DYRK1A: variants seen among roughly 807,000 people sequenced by gnomAD.
DYRK1A encodes dual specificity tyrosine-phosphorylation-regulated kinase 1A.
In DYRK1A, 9 loss-of-function variants were observed where a neutral mutation model predicts 79.7. That is an observed-to-expected ratio of 0.11 (90% CI 0.07 to 0.20). The LOEUF (loss-of-function observed/expected upper bound fraction) is 0.20. Among genes scored for constraint, DYRK1A ranks in the 10% least tolerant of loss-of-function variants. The probability of loss-of-function intolerance (pLI) is 1.00; values close to 1 mark genes in which losing one functional copy is unlikely to be tolerated. For missense variants in DYRK1A, 622 were observed against 956.0 expected, an observed-to-expected ratio of 0.65 and a Z score of 4.61; for synonymous variants, 349 against 329.7, an observed-to-expected ratio of 1.06 and a Z score of -0.63.
At chr21:37,428,733 A>G (rs994891845) in intron 2 of DYRK1A, 3 of 152,248 alleles carry the variant, frequency 2.0e-5, no homozygotes, top group African/African-American at 7.2e-5. Context: ...GGCTTAGTGT[A>G]AGAAGATTCT....
rs955250559 is a variant in DYRK1A, at chr21:37,516,435, C to T, written c.*3904C>T. 17 of 152,150 alleles carry T rather than the reference C, an allele frequency of 1.1e-4. No individual in the cohort carries two copies. The highest frequency in any genetic ancestry group is 3.6e-4 in the African/African-American group (15 of 41,420). 9.4% of individuals were successfully genotyped at this position (152,150 alleles called of 1,614,324 possible). On this transcript the variant is annotated 3_prime_UTR_variant, in exon 12 of 12. Coordinates refer to ENST00000647188, the MANE Select transcript of DYRK1A (RefSeq NM_001347721.2). Reference sequence around the variant, plus strand: ...CCTGGTTTCTTATCTAGGCCTGTTTCCTTGCGTGAAAACATACATCACCAA... The same window carrying T: ...CCTGGTTTCTTATCTAGGCCTGTTTTCTTGCGTGAAAACATACATCACCAA...
chr21:37,432,693 T>G (rs2050809177), intron 2 of DYRK1A, among the ~76,000 whole-genome samples: 1 of 152,174 alleles, frequency 6.6e-6, no homozygotes, highest in African/African-American at 2.4e-5. Flanking sequence ...GGCATAATAA[T>G]GGCTATTACA....
At chr21:37,455,608 T>C (rs565770016) in intron 2 of DYRK1A, among the ~76,000 whole-genome samples, 3 of 152,206 alleles carry the variant, frequency 2.0e-5, no homozygotes, top group East Asian at 3.9e-4. Context: ...GCTCTCAGAG[T>C]GTCTCTTCAT....
At chr21:37,383,952 C>T (rs1338466028) in intron 1 of DYRK1A, among the ~76,000 whole-genome samples, 1 of 152,032 alleles carries the variant, frequency 6.6e-6, no homozygotes, top group Non-Finnish European at 1.5e-5. Context: ...CTACTGTAAA[C>T]ATCTAGAAAA....
intron 3 of DYRK1A, among the ~76,000 whole-genome samples, chr21:37,473,656 TTG>T (rs1281795494): frequency 6.6e-6 from 1 of 152,036 alleles, no homozygotes; most frequent in Admixed American, 6.5e-5. Context: ...TTTTAATATA[TTG>T]TGTGAGGATA....
chr21:37,383,619 TTTAA>T (rs1400305244), intron 1 of DYRK1A, among the ~76,000 whole-genome samples: 5 of 152,208 alleles, frequency 3.3e-5, no homozygotes, highest in Admixed American at 1.3e-4. Flanking sequence ...TGTTTATTGA[TTTAA>T]TTAGTTTGCT....
At chr21:37,460,466 CCA>C (rs2051803844) in intron 2 of DYRK1A, among the ~76,000 whole-genome samples, 1 of 152,120 alleles carries the variant, frequency 6.6e-6, no homozygotes, top group Non-Finnish European at 1.5e-5. Context: ...CCACTGTTAG[CCA>C]CTAGCCTCCA....
At chr21:37,501,456 C>T (rs761659223) in intron 9 of DYRK1A, 1 of 152,118 alleles carries the variant, frequency 6.6e-6, no homozygotes, top group Non-Finnish European at 1.5e-5. Flanking sequence ...GCATGAGCCA[C>T]CACACCCGGC....
In DYRK1A at chr21:37,480,828, TA is replaced by T; in HGVS notation, c.489+4del. The stretch of plus-strand genomic sequence containing the variant: ...ATAGGCAAAGGTTCCTTTGGACAGG[TA>T]ATTTAATGGAAAATGCTGAATTTCA... On this transcript the variant is annotated splice_donor_region_variant and intron_variant, in intron 5 of 11. Coordinates refer to ENST00000647188, the MANE Select transcript of DYRK1A (RefSeq NM_001347721.2). The T allele has an allele frequency of 6.3e-7, 1 of 1,576,368 alleles. No individual in the cohort carries two copies. The highest frequency in any genetic ancestry group is 8.6e-7 in the Non-Finnish European group (1 of 1,164,812).
intron 2 of DYRK1A, among the ~76,000 whole-genome samples, chr21:37,441,965 T>G (rs1463822486): frequency 1.3e-5 from 2 of 151,154 alleles, no homozygotes; most frequent in African/African-American, 2.4e-5. Context: ...TTTTGCTGTT[T>G]TTTTTTTTTT....
intron 5 of DYRK1A, among the ~76,000 whole-genome samples, chr21:37,484,245 A>C (rs1413223902): frequency 6.6e-6 from 1 of 151,950 alleles, no homozygotes; most frequent in Non-Finnish European, 1.5e-5. Context: ...CCGTGAAAAA[A>C]TTGACTGCTG....
At chr21:37,462,816 A>T (rs2051887370) in intron 2 of DYRK1A, among the ~76,000 whole-genome samples, 3 of 152,146 alleles carry the variant, frequency 2.0e-5, no homozygotes. Context: ...TGTAGGGCTC[A>T]CCAAGAGTGA....
intron 1 of DYRK1A, among the ~76,000 whole-genome samples, chr21:37,377,614 G>A (rs1329462942): frequency 1.3e-5 from 2 of 152,050 alleles, no homozygotes; most frequent in Non-Finnish European, 2.9e-5. Context: ...GATTATAGGT[G>A]TACACCACCA....
Position 37,520,339 on chromosome 21 carries a change from G to A in DYRK1A, c.*7808G>A, listed in dbSNP as rs1313919593. 1 of 152,050 alleles carries A rather than the reference G, an allele frequency of 6.6e-6. No homozygotes were observed. Among genetic ancestry groups the A allele is most frequent in the Non-Finnish European group, 1.5e-5 (1 of 68,026 alleles). The allele number at this position is 152,050 out of a possible 1,614,324, so 9.4% of individuals were successfully genotyped here. On this transcript the variant is annotated 3_prime_UTR_variant, in exon 12 of 12. Transcript: ENST00000647188. ...GCTCTTAAGTTTATAAATAAAACAG[G>A]GATATTATCGGGGAAGCTTTTGAAA... is the stretch of plus-strand genomic sequence containing the variant.
intron 1 of DYRK1A, among the ~76,000 whole-genome samples, chr21:37,389,772 G>A: frequency 6.6e-6 from 1 of 152,056 alleles, no homozygotes; most frequent in Non-Finnish European, 1.5e-5. Flanking sequence ...TATCCCTAAG[G>A]TTTTATGGCA....
chr21:37,370,245 A>G (rs1270762373), intron 1 of DYRK1A, among the ~76,000 whole-genome samples: 1 of 152,128 alleles, frequency 6.6e-6, no homozygotes, highest in African/African-American at 2.4e-5. Flanking sequence ...TTGTAACTAC[A>G]CGAAGTGTTA....
chr21:37,512,056 C>CCCATCA lies in DYRK1A; in HGVS notation c.1800_1805dup (p.His609_His610dup). Reference sequence around the variant, plus strand: ...TTGCATCATCACCATGGTAACAGTTCCCATCACCATCACCACCACCACCAC... The same window carrying CCCATCA: ...TTGCATCATCACCATGGTAACAGTTCCCATCACCATCACCATCACCACCACCACCAC... On this transcript the variant is annotated inframe_insertion, in exon 12 of 12. Transcript: ENST00000647188. 6.2e-7 allele frequency: 1 copy of CCCATCA among 1,613,922 alleles called. No homozygotes were observed. The highest frequency in any genetic ancestry group is 8.5e-7 in the Non-Finnish European group (1 of 1,179,956).
At chr21:37,371,701 G>A (rs1017885651) in intron 1 of DYRK1A, among the ~76,000 whole-genome samples, 3 of 152,096 alleles carry the variant, frequency 2.0e-5, no homozygotes, top group African/African-American at 7.2e-5. Flanking sequence ...TACATAGTGA[G>A]TAATAGCTTA....
At chr21:37,370,481 A>G (rs2049408527) in intron 1 of DYRK1A, among the ~76,000 whole-genome samples, 2 of 152,218 alleles carry the variant, frequency 1.3e-5, no homozygotes, top group Admixed American at 1.3e-4. Flanking sequence ...AGTGGGCTTC[A>G]CTTGTGACTT....
Sources: allele counts gnomAD v4.1 joint callset (sites outside exome capture counted in the v4.1 genomes callset), GRCh38; gene constraint gnomAD v4.1.1; transcripts MANE v1.5; gene names NCBI Gene and HGNC (gene_info 2026-07-23, HGNC 2026-07-21).